The following SNTG1 variants were observed in gnomAD, a reference collection of about 807,000 sequenced individuals.
SNTG1 encodes the protein syntrophin gamma 1.
In SNTG1, 39 loss-of-function variants were observed where a neutral mutation model predicts 74.7. The observed-to-expected ratio is 0.52, with a 90% CI of 0.40 to 0.68. SNTG1 has a LOEUF of 0.68. SNTG1 is among the 30% of genes least tolerant of loss of function. The pLI is 0.00. For missense variants in SNTG1, 685 were observed against 609.5 expected, an observed-to-expected ratio of 1.12 and a Z score of -1.30; for synonymous variants, 254 against 217.1, an observed-to-expected ratio of 1.17 and a Z score of -1.49.
chr8:50,024,639 A>G (rs1817106560), intron 1 of SNTG1, among the ~76,000 whole-genome samples: 1 of 152,160 alleles, frequency 6.6e-6, no homozygotes, highest in Admixed American at 6.5e-5. Context: ...TATCTGTGAT[A>G]AAGTTTAATT....
intron 13 of SNTG1, among the ~76,000 whole-genome samples, chr8:50,635,430 G>A (rs535448525): frequency 1.3e-5 from 2 of 152,184 alleles, no homozygotes; most frequent in African/African-American, 2.4e-5. Context: ...CAGGAGCCAG[G>A]GCCTGGAGTC....
chr8:50,161,526 G>A (rs2082414791), intron 1 of SNTG1, among the ~76,000 whole-genome samples: 2 of 152,160 alleles, frequency 1.3e-5, no homozygotes, highest in South Asian at 4.1e-4. Flanking sequence ...AACTTTCAGT[G>A]TCCATGTGCT....
chr8:50,607,913 A>G (rs2094824208), intron 13 of SNTG1, among the ~76,000 whole-genome samples: 1 of 151,064 alleles, frequency 6.6e-6, no homozygotes, highest in South Asian at 2.1e-4. Context: ...TCCCTTATAA[A>G]CTCATTCATG....
intron 2 of SNTG1, among the ~76,000 whole-genome samples, chr8:50,204,552 A>G (rs1212537505): frequency 1.3e-5 from 2 of 152,160 alleles, no homozygotes; most frequent in Non-Finnish European, 2.9e-5. Flanking sequence ...AAATAAATTT[A>G]TTTAATCTTA....
intron 2 of SNTG1, among the ~76,000 whole-genome samples, chr8:50,364,483 T>G (rs990019919): frequency 1.3e-5 from 2 of 152,196 alleles, no homozygotes; most frequent in African/African-American, 2.4e-5. Flanking sequence ...TTTATGTATA[T>G]TCTGGGAATA....
intron 1 of SNTG1, among the ~76,000 whole-genome samples, chr8:50,033,186 C>T (rs963503058): frequency 6.6e-6 from 1 of 151,466 alleles, no homozygotes; most frequent in Non-Finnish European, 1.5e-5. Flanking sequence ...TGCAATGGCA[C>T]TATGTCAGCT....
At chr8:49,972,101 C>A (rs1033474846) in intron 1 of SNTG1, among the ~76,000 whole-genome samples, 1 of 152,150 alleles carries the variant, frequency 6.6e-6, no homozygotes, top group African/African-American at 2.4e-5. Context: ...CATCATGCTA[C>A]CTGACTTCAA....
intron 12 of SNTG1, among the ~76,000 whole-genome samples, chr8:50,567,231 G>A (rs1026133471): frequency 2.0e-5 from 3 of 152,058 alleles, no homozygotes; most frequent in Admixed American, 1.3e-4. Flanking sequence ...CAGAGAGGAG[G>A]CAGGTAAAAT....
At chr8:50,281,768 C>A (rs1322187532) in intron 2 of SNTG1, among the ~76,000 whole-genome samples, 7 of 152,142 alleles carry the variant, frequency 4.6e-5, no homozygotes, top group African/African-American at 1.4e-4. Context: ...GGTTTCTTTG[C>A]AAATTAAAAG....
intron 2 of SNTG1, among the ~76,000 whole-genome samples, chr8:50,173,506 C>T (rs1244540674): frequency 6.6e-6 from 1 of 152,124 alleles, no homozygotes; most frequent in African/African-American, 2.4e-5. Flanking sequence ...CTCAATTATA[C>T]TTAAATGTAG....
At chr8:50,578,947 G>C (rs1274183437) in intron 12 of SNTG1, among the ~76,000 whole-genome samples, 1 of 152,150 alleles carries the variant, frequency 6.6e-6, no homozygotes, top group African/African-American at 2.4e-5. Context: ...ATGTGGAAGT[G>C]ACTTGGGAGC....
At chr8:50,306,414 G>A (rs909185177) in intron 2 of SNTG1, among the ~76,000 whole-genome samples, 6 of 151,994 alleles carry the variant, frequency 3.9e-5, no homozygotes, top group Admixed American at 6.6e-5. Flanking sequence ...AGATAGCCAA[G>A]TAGCAAGATT....
chr8:50,543,318 C>T (rs1047789498), intron 11 of SNTG1, among the ~76,000 whole-genome samples: 3 of 152,142 alleles, frequency 2.0e-5, no homozygotes, highest in Non-Finnish European at 4.4e-5. Flanking sequence ...TTCCCAGCAA[C>T]ATTTATTGAA....
chr8:49,932,372 A>G (rs11781675), intron 1 of SNTG1, among the ~76,000 whole-genome samples: 103,340 of 151,842 alleles, frequency 0.68, 37,148 homozygotes, highest in East Asian at 0.87. Context: ...TCAATCTTAG[A>G]AAAAAATTGA....
chr8:50,103,465 G>A (rs1253822541), intron 1 of SNTG1, among the ~76,000 whole-genome samples: 1 of 152,198 alleles, frequency 6.6e-6, no homozygotes, highest in South Asian at 2.1e-4. Flanking sequence ...TTTGGGCTGA[G>A]ATGATGGGGT....
chr8:50,481,273 C>A (rs1163177763), intron 8 of SNTG1, among the ~76,000 whole-genome samples: 1 of 152,012 alleles, frequency 6.6e-6, no homozygotes, highest in East Asian at 1.9e-4. Context: ...CCCAGCTACT[C>A]GGGAGGCTGA....
At chr8:50,428,356 T>C (rs556325149) in intron 4 of SNTG1, among the ~76,000 whole-genome samples, 2 of 152,064 alleles carry the variant, frequency 1.3e-5, no homozygotes, top group Non-Finnish European at 2.9e-5. Context: ...GGGATGAATA[T>C]ATGGGCAGTG....
intron 2 of SNTG1, among the ~76,000 whole-genome samples, 194 bp downstream of exon 2, chr8:50,172,829 G>A (rs1448156024): frequency 2.7e-5 from 4 of 150,800 alleles, no homozygotes; most frequent in Non-Finnish European, 5.9e-5. Flanking sequence ...TATTCAGAAC[G>A]TATCTCCATG....
intron 1 of SNTG1, among the ~76,000 whole-genome samples, chr8:50,098,491 T>A (rs1000474067): frequency 2.0e-5 from 3 of 152,170 alleles, no homozygotes; most frequent in African/African-American, 7.2e-5. Context: ...AATCTAGAGA[T>A]AAGTATGCAG....
Sources: gnomAD v4.1 joint callset for allele counts (sites outside exome capture counted in the v4.1 genomes callset) on GRCh38, gnomAD v4.1.1 for gene constraint, MANE v1.5 for transcripts, NCBI Gene and HGNC (gene_info 2026-07-23, HGNC 2026-07-21) for gene names.